Variants in CDKL5 observed in about 807,000 individuals in gnomAD.
CDKL5 encodes the protein cyclin dependent kinase like 5.
A neutral mutation model predicts 61.7 loss-of-function variants in CDKL5; 8 were observed. The observed-to-expected ratio is 0.13, with a 90% CI of 0.08 to 0.23. The LOEUF (loss-of-function observed/expected upper bound fraction) is 0.23. Ranked by LOEUF, CDKL5 falls within the 10% of genes least tolerant of loss-of-function variation. CDKL5 has a pLI of 1.00. For synonymous variants in CDKL5, 275 were observed against 272.3 expected (o/e 1.01, Z -0.10); for missense variants, 440 against 734.5 (o/e 0.60, Z 4.63).
downstream of CDKL5, among the ~76,000 whole-genome samples, chrX:18,643,829 A>AATATATATATATATATATATAT (rs755520723): frequency 5.1e-4 from 54 of 105,887 alleles, no homozygotes; most frequent in Non-Finnish European, 8.2e-4. Flanking sequence ...ATTCATAGCA[A>AATATATATATATATATATATAT]ATATATATAT....
At chrX:18,642,776 ACGC>A (rs1569228806), downstream of CDKL5, among the ~76,000 whole-genome samples, 2 of 111,091 alleles carry the variant, frequency 1.8e-5, no homozygotes, top group Non-Finnish European at 3.8e-5. Flanking sequence ...GCAGTGGCTC[ACGC>A]CTGTAATCCC....
intron 3 of CDKL5, among the ~76,000 whole-genome samples, chrX:18,525,520 T>A: frequency 9.0e-6 from 1 of 111,572 alleles, no homozygotes; most frequent in East Asian, 2.8e-4. Flanking sequence ...CAATACCATA[T>A]TGTCTTGATT....
At chrX:18,498,470 T>C (rs890374562) in intron 1 of CDKL5, among the ~76,000 whole-genome samples, 4 of 112,120 alleles carry the variant, frequency 3.6e-5, no homozygotes, top group African/African-American at 1.3e-4. Flanking sequence ...CACATTTTCA[T>C]TGGGCTCATT....
intron 3 of CDKL5, among the ~76,000 whole-genome samples, chrX:18,534,765 G>T (rs1393104762): frequency 1.8e-5 from 2 of 112,010 alleles, no homozygotes; most frequent in Admixed American, 9.5e-5. Flanking sequence ...CTTTAGATTT[G>T]TCTATTTTGT....
At chrX:18,651,184 G>A (rs1928015727) in intron 21 of CDKL5, among the ~76,000 whole-genome samples, 1 of 83,217 alleles carries the variant, frequency 1.2e-5, no homozygotes, top group East Asian at 4.4e-4. Context: ...TGTGACTAAT[G>A]AATGGTTTCG....
At chrX:18,647,756 TCTCTTGTTGTC>T (rs2147194708) in intron 20 of CDKL5, 1 of 160,162 alleles carries the variant, frequency 6.2e-6, no homozygotes, top group South Asian at 1.5e-4. Context: ...TGACGTCAGG[TCTCTTGTTGTC>T]CTTGGGCAGC....
chrX:18,594,918 C>T (rs1463346994), intron 9 of CDKL5, among the ~76,000 whole-genome samples: 1 of 112,245 alleles, frequency 8.9e-6, no homozygotes, highest in Non-Finnish European at 1.9e-5. Flanking sequence ...TGTGGTGGCT[C>T]ACGCCTGTAA....
intron 2 of CDKL5, among the ~76,000 whole-genome samples, chrX:18,510,148 T>TTTTG (rs768001344): frequency 2.0e-4 from 22 of 110,847 alleles, no homozygotes; most frequent in South Asian, 3.8e-4. Context: ...CTTAAGGTTT[T>TTTTG]TTTGTTTGTT....
chrX:18,446,356 A>AAAAAAAAC (rs201053545), intron 1 of CDKL5, among the ~76,000 whole-genome samples: 2 of 110,023 alleles, frequency 1.8e-5, no homozygotes, highest in African/African-American at 3.3e-5. Flanking sequence ...TGTCTCAGAA[A>AAAAAAAAC]AAAAAAACAA....
rs1373510408 is a variant in CDKL5, at chrX:18,436,883, C to T, written c.-163+11188C>T. 8.7e-4 allele frequency among the ~76,000 whole-genome samples: 69 copies of T among 79,224 alleles called. 1 individual carries two copies. The highest frequency in any genetic ancestry group is 1.4e-3 in the Non-Finnish European group (62 of 44,862). 68.8% of individuals were successfully genotyped at this position (79,224 alleles called of 115,157 possible). On this transcript the variant is annotated intron_variant, in intron 1 of 17. Coordinates refer to ENST00000623535, the MANE Select transcript of CDKL5 (RefSeq NM_001323289.2). ...CACTGCACTCCAGCCTGGGTGACAG[C>T]GAGACTCTTGACTCAAAAAAAAAAA...
At chrX:18,627,293 G>T (rs1489772948) in intron 17 of CDKL5, 1 of 111,480 alleles carries the variant, frequency 9.0e-6, no homozygotes, top group African/African-American at 3.3e-5. Context: ...TGTTCCTTGA[G>T]TTCGTCAACA....
intron 1 of CDKL5, among the ~76,000 whole-genome samples, chrX:18,442,951 C>G (rs1226029135): frequency 8.9e-6 from 1 of 111,999 alleles, no homozygotes; most frequent in Non-Finnish European, 1.9e-5. Flanking sequence ...TTCCTGTCCT[C>G]CTGAATAAGA....
At chrX:18,625,383 A>G (rs1431737894) in intron 17 of CDKL5, 136 bp downstream of exon 17, 1 of 644,431 alleles carries the variant, frequency 1.6e-6, no homozygotes, top group East Asian at 3.4e-5. Flanking sequence ...ATAGACCCTC[A>G]GTTATAGCCA....
At chrX:18,581,866 T>A in intron 6 of CDKL5, 25 bp from the exon 7 acceptor site, 1 of 889,123 alleles carries the variant, frequency 1.1e-6, no homozygotes, top group Non-Finnish European at 1.6e-6. Flanking sequence ...TTTTTACTAA[T>A]TTTTTTTTTA....
intron 1 of CDKL5, among the ~76,000 whole-genome samples, chrX:18,461,470 A>C (rs962086982): frequency 8.9e-6 from 1 of 112,011 alleles, no homozygotes; most frequent in African/African-American, 3.2e-5. Flanking sequence ...AAGACCTTAA[A>C]AGAATATAAA....
At chrX:18,550,927 G>A (rs1253076540) in intron 3 of CDKL5, among the ~76,000 whole-genome samples, 1 of 112,478 alleles carries the variant, frequency 8.9e-6, no homozygotes, top group Non-Finnish European at 1.9e-5. Flanking sequence ...ATTTGGTGTA[G>A]ACAAGGTGGT....
chrX:18,547,878 A>G (rs188674350), intron 3 of CDKL5, among the ~76,000 whole-genome samples: 1 of 112,409 alleles, frequency 8.9e-6, no homozygotes, highest in Non-Finnish European at 1.9e-5. Context: ...AAGGATTTTT[A>G]GCAAAGCAAT....
At chrX:18,578,810 A>G (rs1925380730) in intron 5 of CDKL5, among the ~76,000 whole-genome samples, 1 of 111,833 alleles carries the variant, frequency 8.9e-6, no homozygotes, top group African/African-American at 3.2e-5. Context: ...AAAGACATGT[A>G]CTCAAGAATT....
intron 4 of CDKL5, among the ~76,000 whole-genome samples, chrX:18,570,145 G>A (rs756470867): frequency 1.8e-5 from 2 of 111,187 alleles, no homozygotes; most frequent in Non-Finnish European, 3.8e-5. Context: ...ACCAGAGTTC[G>A]TAATCTGGAG....
Sources: allele counts gnomAD v4.1 joint callset (sites outside exome capture counted in the v4.1 genomes callset), GRCh38; gene constraint gnomAD v4.1.1; transcripts MANE v1.5; gene names NCBI Gene and HGNC (gene_info 2026-07-23, HGNC 2026-07-21).